The following PDZRN3 variants were observed in gnomAD, a reference collection of about 807,000 sequenced individuals.
PDZRN3 encodes the protein E3 ubiquitin-protein ligase PDZRN3.
In PDZRN3, 38 loss-of-function variants were observed where a neutral mutation model predicts 85.7. The observed-to-expected ratio is 0.44, with a 90% CI of 0.34 to 0.58. The LOEUF (loss-of-function observed/expected upper bound fraction) is 0.58. Among genes scored for constraint, PDZRN3 ranks in the 20% least tolerant of loss-of-function variants. The pLI is 0.01. For synonymous variants in PDZRN3, 759 were observed against 638.0 expected, an observed-to-expected ratio of 1.19 and a Z score of -2.86; for missense variants, 1,629 against 1,506.4, an observed-to-expected ratio of 1.08 and a Z score of -1.35.
chr3:73,532,685 T>C (rs1704686280), intron 3 of PDZRN3, among the ~76,000 whole-genome samples: 1 of 152,128 alleles, frequency 6.6e-6, no homozygotes, highest in Admixed American at 6.5e-5. Context: ...ACACCCTGAA[T>C]TGCATCTAGA....
At chr3:73,496,101 G>A (rs1703860717) in intron 3 of PDZRN3, among the ~76,000 whole-genome samples, 1 of 151,614 alleles carries the variant, frequency 6.6e-6, no homozygotes, top group Admixed American at 6.6e-5. Flanking sequence ...AAAAAAAACT[G>A]CTCCATATTG....
intron 3 of PDZRN3, among the ~76,000 whole-genome samples, chr3:73,512,676 C>A (rs767367251): frequency 1.3e-5 from 2 of 152,126 alleles, no homozygotes; most frequent in Non-Finnish European, 2.9e-5. Flanking sequence ...AAGACCCAGA[C>A]AAACCCTTCT....
chr3:73,560,465 C>G (rs938413444), intron 3 of PDZRN3, among the ~76,000 whole-genome samples: 4 of 152,144 alleles, frequency 2.6e-5, no homozygotes. Context: ...AGAAACAAGA[C>G]CTTCCATAAG....
intron 3 of PDZRN3, among the ~76,000 whole-genome samples, chr3:73,500,449 T>C (rs956431579): frequency 1.3e-5 from 2 of 152,158 alleles, no homozygotes; most frequent in Non-Finnish European, 2.9e-5. Flanking sequence ...CATTTCCACA[T>C]GAGCTCTGCC....
Position 73,624,367 on chromosome 3 carries a change from G to C in PDZRN3, c.459C>G (p.Gly153=). The change falls in exon 1 of 10, where the codon GGC becomes GGG. Residue 153 remains glycine, a synonymous_variant. Transcript: ENST00000263666. ...AGCAGTGGCCGCCCGCGCGCTGCTC[G>C]CCGTGCGTCAAGGGTAGCCCGCAGC... ...QEGCGLPLTH[G]EQRAGGHCCA... 1 of 1,302,820 alleles carries C rather than the reference G, an allele frequency of 7.7e-7. No individual in the cohort carries two copies. Among genetic ancestry groups the C allele is most frequent in the Non-Finnish European group, 9.7e-7 (1 of 1,032,008 alleles). The allele number at this position is 1,302,820 out of a possible 1,614,324, so 80.7% of individuals were successfully genotyped here.
At chr3:73,528,228 C>A (rs542798358) in intron 3 of PDZRN3, among the ~76,000 whole-genome samples, 1 of 152,188 alleles carries the variant, frequency 6.6e-6, no homozygotes, top group Non-Finnish European at 1.5e-5. Flanking sequence ...AAAAACCTTC[C>A]AACGCCCAGT....
intron 1 of PDZRN3, among the ~76,000 whole-genome samples, chr3:73,610,776 T>C (rs907932546): frequency 4.6e-5 from 7 of 152,146 alleles, no homozygotes; most frequent in African/African-American, 9.7e-5. Flanking sequence ...ATTTAAAAGA[T>C]TGGTCTTCAA....
At chr3:73,551,774 A>G (rs1701565079) in intron 3 of PDZRN3, among the ~76,000 whole-genome samples, 2 of 152,150 alleles carry the variant, frequency 1.3e-5, no homozygotes, top group Non-Finnish European at 2.9e-5. Context: ...GAAAATCCTA[A>G]AAGTGCTAAA....
At chr3:73,474,700 G>T (rs1703414789) in intron 3 of PDZRN3, 1 of 882,026 alleles carries the variant, frequency 1.1e-6, no homozygotes, top group Non-Finnish European at 1.4e-6. Flanking sequence ...AAGAGGAGCA[G>T]CAGGAGCCCC....
chr3:73,553,940 A>C (rs890991931), intron 3 of PDZRN3, among the ~76,000 whole-genome samples: 12 of 152,226 alleles, frequency 7.9e-5, no homozygotes, highest in African/African-American at 2.9e-4. Flanking sequence ...GACTCATGGA[A>C]ACAAGAATGA....
chr3:73,521,397 T>C (rs1157858459), intron 3 of PDZRN3, among the ~76,000 whole-genome samples: 2 of 152,086 alleles, frequency 1.3e-5, no homozygotes, highest in Admixed American at 6.6e-5. Context: ...GGCGGGCAGA[T>C]GGCGCCAGAT....
At position 73,482,645 on chromosome 3, in the gene PDZRN3, A is replaced by G. The variant is rs150892918; in HGVS notation, c.919-78250T>C. Among the ~76,000 whole-genome samples the G allele has an allele frequency of 7.1e-3, 1,083 of 152,320 alleles. 6 individuals are homozygous for G. The highest frequency in any genetic ancestry group is 0.022 in the African/African-American group (922 of 41,554). ...CTCTGTCTCAGAAATCCCCTAGGCAAGCTCAATTAAATACCTAAACACACT... is the reference window on the plus strand; with the variant it reads ...CTCTGTCTCAGAAATCCCCTAGGCAGGCTCAATTAAATACCTAAACACACT... On this transcript the variant is annotated intron_variant, in intron 3 of 9. Coordinates refer to ENST00000263666, the MANE Select transcript of PDZRN3 (RefSeq NM_015009.3).
chr3:73,537,638 G>A (rs999294315), intron 3 of PDZRN3, among the ~76,000 whole-genome samples: 11 of 151,730 alleles, frequency 7.2e-5, no homozygotes, highest in African/African-American at 2.4e-4. Flanking sequence ...TATTTATTTC[G>A]AGATGGTGTC....
At chr3:73,505,618 C>T (rs1390029302) in intron 3 of PDZRN3, among the ~76,000 whole-genome samples, 4 of 152,012 alleles carry the variant, frequency 2.6e-5, no homozygotes, top group South Asian at 2.1e-4. Flanking sequence ...CCTTACAATA[C>T]GAATTACTAT....
intron 3 of PDZRN3, among the ~76,000 whole-genome samples, chr3:73,506,372 G>C (rs993530910): frequency 6.6e-6 from 1 of 152,046 alleles, no homozygotes; most frequent in East Asian, 1.9e-4. Context: ...AGATGAAAAG[G>C]TTGACATCTT....
intron 3 of PDZRN3, among the ~76,000 whole-genome samples, chr3:73,436,172 T>C (rs1702527611): frequency 6.6e-6 from 1 of 152,270 alleles, no homozygotes; most frequent in African/African-American, 2.4e-5. Context: ...ACCCCGTTCA[T>C]TTCCTTTGCA....
chr3:73,393,919 G>T (rs753634169), intron 5 of PDZRN3, among the ~76,000 whole-genome samples: 6 of 152,248 alleles, frequency 3.9e-5, no homozygotes, highest in Non-Finnish European at 8.8e-5. Flanking sequence ...TCTTTTGTCA[G>T]TATTTTGATT....
chr3:73,414,581 A>G (rs769794094), intron 3 of PDZRN3, among the ~76,000 whole-genome samples: 2 of 152,232 alleles, frequency 1.3e-5, no homozygotes, highest in African/African-American at 4.8e-5. Context: ...TGATTGTGAT[A>G]GGATCCTTGG....
At chr3:73,576,457 C>T (rs956289775) in intron 3 of PDZRN3, among the ~76,000 whole-genome samples, 1 of 152,116 alleles carries the variant, frequency 6.6e-6, no homozygotes, top group Non-Finnish European at 1.5e-5. Flanking sequence ...AGAAGAATGC[C>T]ATAGCCTGAC....
Sources: allele counts gnomAD v4.1 joint callset (sites outside exome capture counted in the v4.1 genomes callset), GRCh38; gene constraint gnomAD v4.1.1; transcripts MANE v1.5; gene names NCBI Gene and HGNC (gene_info 2026-07-23, HGNC 2026-07-21).